The following PACS2 variants were observed in gnomAD, a reference collection of about 807,000 sequenced individuals.
PACS2 encodes the protein PACS1-like protein.
PACS2 carries 36 observed loss-of-function variants against 113.0 expected under a neutral mutation model. The ratio of observed to expected loss-of-function variants is 0.32; its 90% CI spans 0.24 to 0.42. The LOEUF (loss-of-function observed/expected upper bound fraction) is 0.42, where lower values mean the gene tolerates loss of function less well. PACS2 is among the 10% of genes least tolerant of loss of function. The pLI is 1.00. For missense variants in PACS2, 1,015 were observed against 1,239.5 expected, an observed-to-expected ratio of 0.82 and a Z score of 2.72; for synonymous variants, 589 against 536.1, an observed-to-expected ratio of 1.10 and a Z score of -1.36.
chr14:105,310,969 T>C (rs975748604), upstream of PACS2, among the ~76,000 whole-genome samples: 20 of 152,236 alleles, frequency 1.3e-4, no homozygotes, highest in African/African-American at 4.8e-4. Flanking sequence ...TTTGTTTTCT[T>C]GAGACAGAGT....
At chr14:105,379,038 G>T (rs587613102) in intron 9 of PACS2, among the ~76,000 whole-genome samples, 1 of 145,620 alleles carries the variant, frequency 6.9e-6, no homozygotes, top group African/African-American at 2.6e-5. Context: ...CTGGATGGTC[G>T]GGAAGGGCCT....
chr14:105,348,889 C>A lies in PACS2; in HGVS notation c.207+309C>A. ...CCCCAAGCACCTGGAGCCAGGGCTT[C>A]CCTGCTGCACTCAGCACCCACTTCC... On this transcript the variant is annotated intron_variant, in intron 2 of 24. Coordinates refer to ENST00000447393, the MANE Select transcript of PACS2 (RefSeq NM_001100913.3). The surrounding 1 kb of genome is among the most constrained non-coding windows in gnomAD (Gnocchi z 6.4). 2.9e-6 allele frequency: 1 copy of A among 346,124 alleles called. No homozygotes were observed. Among genetic ancestry groups the A allele is most frequent in the South Asian group, 2.8e-5 (1 of 36,362 alleles). The allele number at this position is 346,124 out of a possible 1,614,324, so 21.4% of individuals were successfully genotyped here. A position where few individuals can be genotyped will look rare whatever the true frequency, so the allele number is the denominator to read the frequency against.
At position 105,324,166 on chromosome 14, in the gene PACS2, C is replaced by G. The variant is rs1239479972; in HGVS notation, c.119+9129C>G. Reference sequence around the variant, plus strand: ...TCTGCCCAGCATTCTCAGCATGCGTCTCAGGAAGGTTTGATGGAGTGGGCA... The same window carrying G: ...TCTGCCCAGCATTCTCAGCATGCGTGTCAGGAAGGTTTGATGGAGTGGGCA... On this transcript the variant is annotated intron_variant, in intron 1 of 24. Transcript: ENST00000447393. This position sits in a 1 kb window ranked among gnomAD's most constrained non-coding sequence, Gnocchi z 4.7. Among the ~76,000 whole-genome samples, 1 of 152,304 alleles carries G rather than the reference C, an allele frequency of 6.6e-6. No homozygotes were observed. Among genetic ancestry groups the G allele is most frequent in the East Asian group, 1.9e-4 (1 of 5,180 alleles).
chr14:105,378,276 T>A (rs2080856524), intron 9 of PACS2, among the ~76,000 whole-genome samples: 1 of 152,196 alleles, frequency 6.6e-6, no homozygotes, highest in South Asian at 2.1e-4. Flanking sequence ...GCATTCATAG[T>A]TTGAGGAGAG....
chr14:105,359,572 T>C (rs2060590790), intron 4 of PACS2, among the ~76,000 whole-genome samples: 1 of 150,118 alleles, frequency 6.7e-6, no homozygotes, highest in African/African-American at 2.5e-5. Flanking sequence ...CCTCCCAAAG[T>C]GTTGGTATTT....
rs1247633695 is a variant in PACS2 at position 105,315,777 on chromosome 14, G to A, written c.119+740G>A. 2.0e-5 allele frequency among the ~76,000 whole-genome samples: 3 copies of A among 152,368 alleles called. No homozygotes were observed. The highest frequency in any genetic ancestry group is 4.1e-4 in the South Asian group (2 of 4,828). ...GTCTCCTGCTCAGTTTGAAACTTTT[G>A]TAATTTCTTCGTGACTTGGTAGTTC... On this transcript the variant is annotated intron_variant, in intron 1 of 24. Transcript: ENST00000447393. This position sits in a 1 kb window ranked among gnomAD's most constrained non-coding sequence, Gnocchi z 4.4.
rs1555408188 is a variant in PACS2, at chr14:105,367,326, T to C, written c.537T>C (p.Ile179=). Residue 179 remains isoleucine, a synonymous_variant, in exon 5 of 25, where the codon ATT becomes ATC. Coordinates refer to ENST00000447393, the MANE Select transcript of PACS2 (RefSeq NM_001100913.3). ...IWIASLSSQP[I]DHEDSTMQAG... ...TCGCCTCCCTGTCCAGCCAGCCCAT[T>C]GACCACGAAGACAGCACCATGCAGG... is the stretch of plus-strand genomic sequence containing the variant. 6.2e-7 allele frequency: 1 copy of C among 1,613,334 alleles called. No individual in the cohort carries two copies. The highest frequency in any genetic ancestry group is 8.5e-7 in the Non-Finnish European group (1 of 1,179,982).
chr14:105,376,937 A>AGGGCG lies in PACS2; in HGVS notation c.959+21_959+25dup, dbSNP rs1156662631. The stretch of plus-strand genomic sequence containing the variant: ...AAGCCGAAGCTGCGGTGAGCCCTAC[A>AGGGCG]GGGCGGGGCGGGGAGGAACAGCCAT... On this transcript the variant is annotated intron_variant, in intron 9 of 24. Coordinates refer to ENST00000447393, the MANE Select transcript of PACS2 (RefSeq NM_001100913.3). The surrounding 1 kb of genome is among the most constrained non-coding windows in gnomAD (Gnocchi z 4.7). 6.3e-7 allele frequency: 1 copy of AGGGCG among 1,586,750 alleles called. No individual in the cohort carries two copies.
intron 1 of PACS2, among the ~76,000 whole-genome samples, chr14:105,332,759 A>G (rs2140915725): frequency 1.3e-5 from 2 of 152,304 alleles, no homozygotes; most frequent in Middle Eastern, 6.8e-3. Context: ...CAGCAGTTCC[A>G]TCCTCTGGTC....
Position 105,384,432 on chromosome 14 carries a change from C to T in PACS2, c.1860C>T (p.Asp620=). ...NNFFQDLAWR[D]LFNKLEAQSA... Reference sequence around the variant, plus strand: ...TCTTCCAGGACCTGGCCTGGAGAGACCTGTTCAACAAGCTGGAGGCCCAGA... The same window carrying T: ...TCTTCCAGGACCTGGCCTGGAGAGATCTGTTCAACAAGCTGGAGGCCCAGA... Residue 620 remains aspartate, a synonymous_variant, in exon 17 of 25, where the codon GAC becomes GAT. Transcript: ENST00000447393. 6.2e-7 allele frequency: 1 copy of T among 1,612,032 alleles called. No homozygotes were observed.
chr14:105,379,820 C>T lies in PACS2; in HGVS notation c.1041C>T (p.Pro347=), dbSNP rs1355248957. 6 of 1,613,356 alleles carry T rather than the reference C, an allele frequency of 3.7e-6. No individual in the cohort carries two copies. Among genetic ancestry groups the T allele is most frequent in the Non-Finnish European group, 5.1e-6 (6 of 1,179,930 alleles). The change falls in exon 10 of 25, where the codon CCC becomes CCT. Residue 347 remains proline (P), a synonymous_variant. Transcript: ENST00000447393. The part of the protein sequence containing the change: ...SIHSARSHKE[P]PSPADVPEKT... ...ACAGCGCCCGCAGCCACAAGGAGCC[C>T]CCAAGCCCGGTGAGTGGGGCCACAC...
rs2060042290 is a variant in PACS2, at chr14:105,348,859, A to G, written c.207+279A>G. 2 of 381,516 alleles carry G rather than the reference A, an allele frequency of 5.2e-6. No individual in the cohort carries two copies. Among genetic ancestry groups the G allele is most frequent in the Non-Finnish European group, 9.7e-6 (2 of 206,428 alleles). 23.6% of individuals were successfully genotyped at this position (381,516 alleles called of 1,614,324 possible). A position where few individuals can be genotyped will look rare whatever the true frequency, so the allele number is the denominator to read the frequency against. ...CCCTCGAGTCACCTCACAGTGATGG[A>G]CGGGCCCCAAGCACCTGGAGCCAGG... On this transcript the variant is annotated intron_variant, in intron 2 of 24. Transcript: ENST00000447393. This position sits in a 1 kb window ranked among gnomAD's most constrained non-coding sequence, Gnocchi z 6.4.
At chr14:105,364,410 G>A (rs1201322094) in intron 4 of PACS2, among the ~76,000 whole-genome samples, 1 of 132,660 alleles carries the variant, frequency 7.5e-6, no homozygotes, top group Non-Finnish European at 1.6e-5. Context: ...CCGGGTGCGC[G>A]GTGGGCGGTG....
intron 5 of PACS2, among the ~76,000 whole-genome samples, chr14:105,367,699 C>T (rs1555408289): frequency 1.3e-5 from 2 of 152,266 alleles, no homozygotes; most frequent in Admixed American, 6.5e-5. Flanking sequence ...GGGCAGGTGC[C>T]ACAGCTGCCG....
intron 1 of PACS2, among the ~76,000 whole-genome samples, chr14:105,318,567 A>T (rs1208223500): frequency 1.3e-5 from 2 of 151,348 alleles, no homozygotes; most frequent in Non-Finnish European, 2.9e-5. Flanking sequence ...TTCCTGCCTC[A>T]GCCTCCCAAG....
intron 4 of PACS2, among the ~76,000 whole-genome samples, chr14:105,359,660 C>G (rs2060599419): frequency 6.8e-6 from 1 of 147,636 alleles, no homozygotes; most frequent in Middle Eastern, 3.5e-3. Flanking sequence ...GCCGCAATCT[C>G]AGCTCACTGC....
rs1289339453 is a variant in PACS2, at chr14:105,340,733, T to G, written c.120-7760T>G. On this transcript the variant is annotated intron_variant, in intron 1 of 24. Transcript: ENST00000447393. The surrounding 1 kb of genome is among the most constrained non-coding windows in gnomAD (Gnocchi z 4.2). ...ATGAAGGGCTGGCTGAGCTGGTGCTTCCTGCCACCTGTGTAGTGGTGCAGG... is the reference window on the plus strand; with the variant it reads ...ATGAAGGGCTGGCTGAGCTGGTGCTGCCTGCCACCTGTGTAGTGGTGCAGG... 6.6e-6 allele frequency among the ~76,000 whole-genome samples: 1 copy of G among 152,190 alleles called. No individual in the cohort carries two copies. Among genetic ancestry groups the G allele is most frequent in the Non-Finnish European group, 1.5e-5 (1 of 68,028 alleles).
chr14:105,367,162 G>C, intron 4 of PACS2, 51 bp from the exon 5 acceptor site: 1 of 1,564,870 alleles, frequency 6.4e-7, no homozygotes. Flanking sequence ...TCAGGGCACC[G>C]GGGCTCCTTC....
At chr14:105,388,293 C>T (rs1405545344) in intron 19 of PACS2, among the ~76,000 whole-genome samples, 3 of 152,252 alleles carry the variant, frequency 2.0e-5, no homozygotes, top group Non-Finnish European at 4.4e-5. Flanking sequence ...GCTGCGAAGA[C>T]AGGGAAGGCA....
Sources: gnomAD v4.1 joint callset for allele counts (sites outside exome capture counted in the v4.1 genomes callset) on GRCh38, gnomAD v4.1.1 for gene constraint, Gnocchi (gnomAD v3.1) non-coding constraint, MANE v1.5 for transcripts, NCBI Gene and HGNC (gene_info 2026-07-23, HGNC 2026-07-21) for gene names.